Variants in WDR3 observed in about 807,000 individuals in gnomAD.
WDR3 encodes WD repeat domain 3, also known as WD repeat-containing protein 3.
WDR3 carries 81 observed loss-of-function variants against 123.7 expected under a neutral mutation model. That is an observed-to-expected ratio of 0.65 (90% confidence interval 0.55 to 0.79). The LOEUF is 0.79. WDR3 is among the 30% of genes least tolerant of loss of function. The pLI is 0.00. For synonymous variants in WDR3, 390 were observed against 388.8 expected (o/e 1.00, Z -0.04); for missense variants, 1,027 against 1,123.2 (o/e 0.91, Z 1.22).
intron 24 of WDR3, among the ~76,000 whole-genome samples, chr1:117,956,159 T>C (rs74809852): frequency 0.026 from 3,886 of 152,264 alleles, 161 homozygotes; most frequent in African/African-American, 0.087. Context: ...CTCTTTTTGC[T>C]CTTAAGTATT....
chr1:117,940,766 C>T lies in WDR3; in HGVS notation c.676-61C>T, dbSNP rs1010147629. The T allele has an allele frequency of 3.9e-5, 55 of 1,426,790 alleles. No individual in the cohort carries two copies. In the African/African-American group the frequency reaches 7.9e-4, roughly 21 times the overall value. The allele number at this position is 1,426,790 out of a possible 1,614,324, so 88.4% of individuals were successfully genotyped here. ...AACAACAACAAAACAACAACAACAA[C>T]AACAACATGCCTCCTGGAACATACT... is the stretch of plus-strand genomic sequence containing the variant. On this transcript the variant is annotated intron_variant, in intron 6 of 26. Coordinates refer to ENST00000349139, the MANE Select transcript of WDR3 (RefSeq NM_006784.3).
rs1653758652 is a variant in WDR3 at position 117,965,782 on chromosome 1, T to A, written c.*6335T>A. 6.6e-6 allele frequency: 1 copy of A among 152,222 alleles called. No individual in the cohort carries two copies. Among genetic ancestry groups the A allele is most frequent in the Non-Finnish European group, 1.5e-5 (1 of 68,038 alleles). The allele number at this position is 152,222 out of a possible 1,614,324, so 9.4% of individuals were successfully genotyped here. A position where few individuals can be genotyped will look rare whatever the true frequency, so the allele number is the denominator to read the frequency against. Reference sequence around the variant, plus strand: ...GGAATCTGCAGTGGTTCACTGCTGCTTAAATAATAAAATTCAAGCCAAGGA... The same window carrying A: ...GGAATCTGCAGTGGTTCACTGCTGCATAAATAATAAAATTCAAGCCAAGGA... On this transcript the variant is annotated 3_prime_UTR_variant, in exon 27 of 27. Transcript: ENST00000349139.
At position 117,962,213 on chromosome 1, in the gene WDR3, T is replaced by G. The variant is rs1228796484; in HGVS notation, c.*2766T>G. On this transcript the variant is annotated 3_prime_UTR_variant, in exon 27 of 27. Coordinates refer to ENST00000349139, the MANE Select transcript of WDR3 (RefSeq NM_006784.3). The stretch of plus-strand genomic sequence containing the variant: ...GAGAAGGAGAACTTTTATGATAAAG[T>G]GACATGTACAGAACCTAGCCAAGTT... 1 of 152,162 alleles carries G rather than the reference T, an allele frequency of 6.6e-6. No homozygotes were observed. The highest frequency in any genetic ancestry group is 1.5e-5 in the Non-Finnish European group (1 of 68,030). The allele number at this position is 152,162 out of a possible 1,614,324, so 9.4% of individuals were successfully genotyped here. A position where few individuals can be genotyped will look rare whatever the true frequency, so the allele number is the denominator to read the frequency against.
chr1:117,943,736 CTT>C, intron 11 of WDR3, 110 bp downstream of exon 11: 1 of 963,072 alleles, frequency 1.0e-6, no homozygotes, highest in East Asian at 2.7e-5. Context: ...ATACAATTAT[CTT>C]TAGTGCATTT....
rs1423337783 is a variant in WDR3, at chr1:117,960,357, TAG to T, written c.*914_*915del. The T allele has an allele frequency of 6.6e-6, 1 of 152,126 alleles. No homozygotes were observed. Among genetic ancestry groups the T allele is most frequent in the Non-Finnish European group, 1.5e-5 (1 of 68,026 alleles). 9.4% of individuals were successfully genotyped at this position (152,126 alleles called of 1,614,324 possible). A position where few individuals can be genotyped will look rare whatever the true frequency, so the allele number is the denominator to read the frequency against. On this transcript the variant is annotated 3_prime_UTR_variant, in exon 27 of 27. Coordinates refer to ENST00000349139, the MANE Select transcript of WDR3 (RefSeq NM_006784.3). Reference sequence around the variant, plus strand: ...TGTATACTGTATTCTTAAAGTAAGCTAGAGAAAAGAAAATGTTACTTAGAAAA... The same window carrying T: ...TGTATACTGTATTCTTAAAGTAAGCTAGAAAAGAAAATGTTACTTAGAAAA...
chr1:117,939,634 G>T, intron 6 of WDR3, 62 bp downstream of exon 6: 1 of 1,504,500 alleles, frequency 6.6e-7, no homozygotes, highest in Non-Finnish European at 9.2e-7. Flanking sequence ...CTTGGATTTA[G>T]AATCAGATGT....
chr1:117,951,112 A>T (rs896944019), intron 16 of WDR3, among the ~76,000 whole-genome samples: 4 of 152,136 alleles, frequency 2.6e-5, no homozygotes, highest in South Asian at 4.1e-4. Context: ...ATCAATCCTT[A>T]TAAATATTAT....
In WDR3 at chr1:117,960,614, TG is replaced by T. The variant is rs776818941; in HGVS notation, c.*1168del. 1 of 152,190 alleles carries T rather than the reference TG, an allele frequency of 6.6e-6. No homozygotes were observed. The highest frequency in any genetic ancestry group is 1.5e-5 in the Non-Finnish European group (1 of 68,038). The allele number at this position is 152,190 out of a possible 1,614,324, so 9.4% of individuals were successfully genotyped here. On this transcript the variant is annotated 3_prime_UTR_variant, in exon 27 of 27. Coordinates refer to ENST00000349139, the MANE Select transcript of WDR3 (RefSeq NM_006784.3). The stretch of plus-strand genomic sequence containing the variant: ...GGGCGATGAGTTGTTCATGCACAGG[TG>T]ATTAGTGTCACAGCATTTTAAGTGC...
At chr1:117,930,439 C>A (rs1265910414) in intron 1 of WDR3, among the ~76,000 whole-genome samples, 1 of 152,108 alleles carries the variant, frequency 6.6e-6, no homozygotes, top group Non-Finnish European at 1.5e-5. Flanking sequence ...AATACAAGGT[C>A]GCGGGACGAG....
In WDR3 at chr1:117,954,625, T is replaced by TGG. The variant is rs1351147302; in HGVS notation, c.2407_2408insGG (p.Ser803TrpfsTer8). ...CATCCTAATGGCTTATGGCAGTATC[T>TGG]CAGTGAGTAAAATGTCTAACGGTTT... On this transcript the variant is annotated frameshift_variant and splice_region_variant, in exon 23 of 27. Transcript: ENST00000349139. LOFTEE classifies it high-confidence loss of function. 9.3e-6 allele frequency: 15 copies of TGG among 1,612,106 alleles called. 1 individual carries two copies. The highest frequency in any genetic ancestry group is 1.3e-5 in the Non-Finnish European group (15 of 1,178,978).
At position 117,931,627 on chromosome 1, in the gene WDR3, G is replaced by A. The variant is rs571213496; in HGVS notation, c.-32-1661G>A. 9.2e-5 allele frequency among the ~76,000 whole-genome samples: 14 copies of A among 152,282 alleles called. No homozygotes were observed. The South Asian group carries it at 2.3e-3, about 25-fold the overall frequency. ...AAGGACTGGAAATAGACAGATGGGA[G>A]TCCCTGGACCTAGGCATGCTATATG... On this transcript the variant is annotated intron_variant, in intron 1 of 26. Coordinates refer to ENST00000349139, the MANE Select transcript of WDR3 (RefSeq NM_006784.3).
Position 117,959,613 on chromosome 1 carries a change from G to T in WDR3, c.*166G>T. ...GCTTTGCCTGAGGGAATTCCAACAT[G>T]AGATTATGGGCTGGCTCCATTTCTT... On this transcript the variant is annotated 3_prime_UTR_variant, in exon 27 of 27. Coordinates refer to ENST00000349139, the MANE Select transcript of WDR3 (RefSeq NM_006784.3). 1.6e-6 allele frequency: 1 copy of T among 641,494 alleles called. No individual in the cohort carries two copies. The highest frequency in any genetic ancestry group is 2.4e-6 in the Non-Finnish European group (1 of 413,308). The allele number at this position is 641,494 out of a possible 1,614,324, so 39.7% of individuals were successfully genotyped here. A position where few individuals can be genotyped will look rare whatever the true frequency, so the allele number is the denominator to read the frequency against.
chr1:117,954,132 A>G (rs1454576406), intron 22 of WDR3, 33 bp downstream of exon 22: 1 of 1,555,778 alleles, frequency 6.4e-7, no homozygotes, highest in Admixed American at 1.8e-5. Flanking sequence ...TACAGTATCA[A>G]TAAAGGGAAT....
intron 17 of WDR3, 68 bp downstream of exon 17, chr1:117,952,144 G>C: frequency 6.5e-7 from 1 of 1,548,942 alleles, no homozygotes; most frequent in Non-Finnish European, 8.8e-7. Context: ...TTGAGCATCT[G>C]TGTCTATTTT....
intron 23 of WDR3, 165 bp from the exon 24 acceptor site, chr1:117,955,150 C>T (rs1160279619): frequency 3.8e-6 from 2 of 522,598 alleles, no homozygotes; most frequent in African/African-American, 3.9e-5. Context: ...GTTCAGTTGT[C>T]AACCCAGATC....
At chr1:117,941,633 C>A in intron 8 of WDR3, 117 bp from the exon 9 acceptor site, 1 of 1,265,102 alleles carries the variant, frequency 7.9e-7, no homozygotes, top group Non-Finnish European at 1.1e-6. Context: ...TTAAGTTGTC[C>A]AAGGTAATAC....
In WDR3 at chr1:117,959,317, G is replaced by A. The variant is rs1175659378; in HGVS notation, c.2702G>A (p.Gly901Asp). 2.0e-5 allele frequency: 33 copies of A among 1,613,452 alleles called. No homozygotes were observed. Among genetic ancestry groups the A allele is most frequent in the Non-Finnish European group, 2.6e-5 (31 of 1,179,850 alleles). Residue 901 changes from glycine (G) to aspartate (D), a missense_variant, in exon 27 of 27, where the codon GGT becomes GAT. By Grantham distance (94) the Gly-to-Asp change is moderately conservative. Coordinates refer to ENST00000349139, the MANE Select transcript of WDR3 (RefSeq NM_006784.3). ...GATGTTATCGGCTTCAATATGGCTG[G>A]TCTTGATTATCTCAAGAGGGAATGC... Reference protein sequence around the residue: ...VRDVIGFNMAGLDYLKRECEA... With the variant: ...VRDVIGFNMADLDYLKRECEA...
chr1:117,930,533 G>A (rs562610902), intron 1 of WDR3, among the ~76,000 whole-genome samples: 1 of 152,320 alleles, frequency 6.6e-6, no homozygotes, highest in Non-Finnish European at 1.5e-5. Flanking sequence ...ACTGGCAAAC[G>A]ATTTAGCCTT....
In WDR3 at chr1:117,965,322, T is replaced by C. The variant is rs1296108878; in HGVS notation, c.*5875T>C. The C allele has an allele frequency of 6.6e-6, 1 of 152,254 alleles. No individual in the cohort carries two copies. The highest frequency in any genetic ancestry group is 1.9e-4 in the East Asian group (1 of 5,196). The allele number at this position is 152,254 out of a possible 1,614,324, so 9.4% of individuals were successfully genotyped here. Reference sequence around the variant, plus strand: ...CTGCTTTTGTCTCCACTGGCTCTTCTTCCTCCTGCTCCCTAAACCGACTCC... The same window carrying C: ...CTGCTTTTGTCTCCACTGGCTCTTCCTCCTCCTGCTCCCTAAACCGACTCC... On this transcript the variant is annotated 3_prime_UTR_variant, in exon 27 of 27. Coordinates refer to ENST00000349139, the MANE Select transcript of WDR3 (RefSeq NM_006784.3).
Sources: allele counts gnomAD v4.1 joint callset (sites outside exome capture counted in the v4.1 genomes callset), GRCh38; gene constraint gnomAD v4.1.1; transcripts MANE v1.5; gene names NCBI Gene and HGNC (gene_info 2026-07-23, HGNC 2026-07-21).